The following SLC39A10 variants were observed in gnomAD, a reference collection of about 807,000 sequenced individuals.
The protein encoded by SLC39A10 is zinc transporter ZIP10.
In SLC39A10, 13 loss-of-function variants were observed where a neutral mutation model predicts 65.1. That is an observed-to-expected ratio of 0.20 (90% CI 0.13 to 0.32). The LOEUF is 0.32. Ranked by LOEUF, SLC39A10 falls within the 10% of genes least tolerant of loss-of-function variation. The pLI is 1.00. For synonymous variants in SLC39A10, 321 were observed against 342.2 expected, an observed-to-expected ratio of 0.94 and a Z score of 0.68; for missense variants, 831 against 1,018.4, an observed-to-expected ratio of 0.82 and a Z score of 2.50.
intron 1 of SLC39A10, among the ~76,000 whole-genome samples, chr2:195,674,225 G>A (rs527744196): frequency 1.3e-5 from 2 of 152,138 alleles, no homozygotes; most frequent in South Asian, 2.1e-4. Context: ...CTAATGATGA[G>A]CATTTAGGTT....
At chr2:195,634,243 T>C (rs1471521782) in intron 2 of SLC39A10, among the ~76,000 whole-genome samples, 1 of 152,232 alleles carries the variant, frequency 6.6e-6, no homozygotes, top group African/African-American at 2.4e-5. Context: ...TGATTCCATT[T>C]CCTGACGCTG....
At chr2:195,641,837 G>A (rs1574213894) in intron 2 of SLC39A10, among the ~76,000 whole-genome samples, 1 of 151,904 alleles carries the variant, frequency 6.6e-6, no homozygotes, top group Non-Finnish European at 1.5e-5. Context: ...GATTACAGAC[G>A]TGCACCACCA....
intron 2 of SLC39A10, among the ~76,000 whole-genome samples, chr2:195,635,706 C>CA (rs1553493084): frequency 3.1e-4 from 12 of 39,048 alleles, no homozygotes; most frequent in Non-Finnish European, 5.5e-4. Context: ...GAACCCCCCC[C>CA]ACTTTTTTTT....
intron 8 of SLC39A10, among the ~76,000 whole-genome samples, chr2:195,718,969 A>C (rs1445859261): frequency 6.6e-6 from 1 of 151,906 alleles, no homozygotes; most frequent in African/African-American, 2.4e-5. Context: ...CTTAATACCC[A>C]AAAATCTAGT....
At chr2:195,617,715 T>TTTTATTTTATTTTATTTTA (rs1688249295) in intron 2 of SLC39A10, among the ~76,000 whole-genome samples, 1 of 137,744 alleles carries the variant, frequency 7.3e-6, no homozygotes, top group African/African-American at 2.7e-5. Flanking sequence ...TTTTCTTTTC[T>TTTTATTTTATTTTATTTTA]TTTCTTTTCT....
chr2:195,716,831 G>A lies in SLC39A10; in HGVS notation c.1891G>A (p.Glu631Lys), dbSNP rs181404637. The change falls in exon 7 of 10, where the codon GAG (glutamate) becomes AAG (lysine). Residue 631 changes from glutamate (E) to lysine (K), a missense_variant. Physicochemically the swap from Glu to Lys is moderately conservative, Grantham distance 56 (BLOSUM62 1). Coordinates refer to ENST00000359634, the MANE Select transcript of SLC39A10 (RefSeq NM_020342.3). ...TGCTGCTGCACATAACCACCACGGCGAGAACAAAACTGTGCTGAGGAAGCA... is the reference window on the plus strand; with the variant it reads ...TGCTGCTGCACATAACCACCACGGCAAGAACAAAACTGTGCTGAGGAAGCA... ...LHAAAHNHHG[E>K]NKTVLRKHNH... 25 of 1,614,108 alleles carry A rather than the reference G, an allele frequency of 1.5e-5. No homozygotes were observed. The highest frequency in any genetic ancestry group is 1.0e-4 in the Admixed American group (6 of 60,020).
At chr2:195,648,754 C>A (rs7587624) in intron 2 of SLC39A10, among the ~76,000 whole-genome samples, 2,600 of 152,232 alleles carry the variant, frequency 0.017, 77 homozygotes, top group African/African-American at 0.059. Flanking sequence ...AGCCTGGGAT[C>A]CTGGCTCTGC....
chr2:195,669,240 T>G (rs974199387), intron 1 of SLC39A10, among the ~76,000 whole-genome samples: 3 of 152,156 alleles, frequency 2.0e-5, no homozygotes, highest in Non-Finnish European at 4.4e-5. Context: ...GTAAGTAGTA[T>G]TAGGAGACAA....
chr2:195,701,258 A>G (rs1341222704), intron 3 of SLC39A10, among the ~76,000 whole-genome samples: 1 of 151,112 alleles, frequency 6.6e-6, no homozygotes, highest in Non-Finnish European at 1.5e-5. Flanking sequence ...TCGCAGTTCC[A>G]GAGTTTCTTT....
intron 3 of SLC39A10, among the ~76,000 whole-genome samples, chr2:195,704,823 G>A (rs534647919): frequency 1.3e-4 from 20 of 151,690 alleles, no homozygotes; most frequent in African/African-American, 4.1e-4. Flanking sequence ...TTTGAGATAG[G>A]GTCTTACTTT....
chr2:195,619,092 C>CAAAA (rs66627464), intron 2 of SLC39A10, among the ~76,000 whole-genome samples: 6 of 69,642 alleles, frequency 8.6e-5, no homozygotes, highest in Non-Finnish European at 1.6e-4. Context: ...GACTCTGTCT[C>CAAAA]AAAAAAAAAA....
intron 3 of SLC39A10, among the ~76,000 whole-genome samples, chr2:195,688,239 C>CT (rs1690599512): frequency 2.0e-5 from 3 of 151,954 alleles, no homozygotes; most frequent in Admixed American, 6.6e-5. Context: ...TTAGTTTTTG[C>CT]TTTATACCAA....
intron 9 of SLC39A10, among the ~76,000 whole-genome samples, chr2:195,731,321 C>G (rs1452869856): frequency 6.6e-6 from 1 of 152,128 alleles, no homozygotes. Context: ...TGCAGACGTC[C>G]TCATGGCTAG....
chr2:195,646,173 T>C (rs1688909194), intron 2 of SLC39A10, among the ~76,000 whole-genome samples: 1 of 152,164 alleles, frequency 6.6e-6, no homozygotes, highest in Non-Finnish European at 1.5e-5. Flanking sequence ...CTTGAACTCC[T>C]GGCCTCAAGC....
intron 2 of SLC39A10, among the ~76,000 whole-genome samples, chr2:195,616,207 G>A (rs1688203422): frequency 6.6e-6 from 1 of 151,988 alleles, no homozygotes. Flanking sequence ...TGCCTGCCTC[G>A]GCCTCCCAAA....
intron 9 of SLC39A10, among the ~76,000 whole-genome samples, chr2:195,731,066 C>T (rs770094740): frequency 2.6e-5 from 4 of 152,228 alleles, no homozygotes; most frequent in Non-Finnish European, 4.4e-5. Flanking sequence ...CTAGAGCAAT[C>T]CTTTTAAGCC....
intron 3 of SLC39A10, 58 bp from the exon 4 acceptor site, chr2:195,706,558 G>T: frequency 1.4e-6 from 2 of 1,435,588 alleles, no homozygotes; most frequent in African/African-American, 1.4e-5. Context: ...TATTCTTTTT[G>T]GTAGTCTGTT....
Position 195,735,804 on chromosome 2 carries a change from G to GTTTT in SLC39A10, c.*763_*764insTTTT, listed in dbSNP as rs1559055694. On this transcript the variant is annotated 3_prime_UTR_variant, in exon 10 of 10. Coordinates refer to ENST00000359634, the MANE Select transcript of SLC39A10 (RefSeq NM_020342.3). Reference sequence around the variant, plus strand: ...TTGTTTTTTACTTTAATTTTGTTTTGATTTTTTTTTTTTTTTTTTGGCGGG... The same window carrying GTTTT: ...TTGTTTTTTACTTTAATTTTGTTTTGTTTTATTTTTTTTTTTTTTTTTTGGCGGG... 2 of 85,156 alleles carry GTTTT rather than the reference G, an allele frequency of 2.3e-5. No individual in the cohort carries two copies. Among genetic ancestry groups the GTTTT allele is most frequent in the African/African-American group, 4.6e-5 (1 of 21,974 alleles). 5.3% of individuals were successfully genotyped at this position (85,156 alleles called of 1,614,324 possible).
chr2:195,687,352 A>G (rs7608849), intron 3 of SLC39A10, among the ~76,000 whole-genome samples: 151,771 of 152,344 alleles, frequency 1, 75,606 homozygotes, highest in Middle Eastern at 1. Context: ...AAAGATTCTT[A>G]TTCTTTGTTG....
Sources: allele counts gnomAD v4.1 joint callset (sites outside exome capture counted in the v4.1 genomes callset), GRCh38; gene constraint gnomAD v4.1.1; transcripts MANE v1.5; gene names NCBI Gene and HGNC (gene_info 2026-07-23, HGNC 2026-07-21).